PYGL: variants seen among roughly 807,000 people sequenced by gnomAD.
The protein encoded by PYGL is glycogen phosphorylase, liver form.
A neutral mutation model predicts 100.1 loss-of-function variants in PYGL; 90 were observed. The observed-to-expected ratio is 0.90, with a 90% CI of 0.76 to 1.07. The LOEUF (loss-of-function observed/expected upper bound fraction) is 1.07, where lower values mean the gene tolerates loss of function less well. Among genes scored for constraint, PYGL ranks in the 50% least tolerant of loss-of-function variants. PYGL has a pLI of 0.00. For synonymous variants in PYGL, 373 were observed against 393.0 expected (o/e 0.95, Z 0.60); for missense variants, 1,016 against 1,057.6 (o/e 0.96, Z 0.55).
intron 17 of PYGL, among the ~76,000 whole-genome samples, chr14:50,909,492 T>C (rs971489811): frequency 6.6e-6 from 1 of 152,236 alleles, no homozygotes; most frequent in Admixed American, 6.5e-5. Flanking sequence ...TGTACACCCG[T>C]ATCTATTCTC....
chr14:50,915,182 T>TC, intron 11 of PYGL, 154 bp downstream of exon 11: 1 of 987,436 alleles, frequency 1.0e-6, no homozygotes, highest in South Asian at 1.5e-5. Flanking sequence ...TCTTTTCTTT[T>TC]TTTTTTTTAG....
At chr14:50,912,800 A>C (rs1441855025) in intron 13 of PYGL, among the ~76,000 whole-genome samples, 1 of 152,068 alleles carries the variant, frequency 6.6e-6, no homozygotes, top group Non-Finnish European at 1.5e-5. Flanking sequence ...CTAAAAATAC[A>C]AAAATTAGCC....
rs11541446 is a variant in PYGL, at chr14:50,915,944, C to T, written c.1120G>A (p.Ala374Thr). Residue 374 changes from alanine to threonine, a missense_variant, in exon 10 of 20, where the codon GCC (alanine) becomes ACC (threonine). By Grantham distance (58) the Ala-to-Thr change is moderately conservative. Transcript: ENST00000216392. ...KAWELTQKTF[A>T]YTNHTVLPEA... ...GGGAGCACTGTGTGGTTGGTGTAGG[C>T]GAAGGTCTTCTGGGTGAGCTCCCAT... 48 of 1,613,966 alleles carry T rather than the reference C, an allele frequency of 3.0e-5. No homozygotes were observed. The highest frequency in any genetic ancestry group is 6.6e-5 in the South Asian group (6 of 91,078).
chr14:50,912,676 G>A (rs1352179053), intron 13 of PYGL, among the ~76,000 whole-genome samples: 7 of 152,160 alleles, frequency 4.6e-5, no homozygotes, highest in East Asian at 3.9e-4. Context: ...AGGATAGGCC[G>A]GGTGTGGTGG....
chr14:50,917,032 C>T lies in PYGL; in HGVS notation c.929G>A (p.Arg310His), dbSNP rs769231923. 17 of 1,613,818 alleles carry T rather than the reference C, an allele frequency of 1.1e-5. No homozygotes were observed. The highest frequency in any genetic ancestry group is 4.5e-5 in the East Asian group (2 of 44,896). The change falls in exon 8 of 20, where the codon CGC (arginine) becomes CAC (histidine). Residue 310 changes from arginine to histidine, a missense_variant. Transcript: ENST00000216392. ...VVAATLQDII[R>H]RFKASKFGST... ...GCCAAACTTGGAGGCTTTGAAACGGCGGATGATATCTTGCAAGGTTGCAGC... is the reference window on the plus strand; with the variant it reads ...GCCAAACTTGGAGGCTTTGAAACGGTGGATGATATCTTGCAAGGTTGCAGC...
chr14:50,915,155 ATTCTT>A, intron 11 of PYGL, 176 bp downstream of exon 11: 4 of 828,742 alleles, frequency 4.8e-6, no homozygotes, highest in Non-Finnish European at 7.4e-6. Flanking sequence ...AGAGGAAAGC[ATTCTT>A]TTCTTTCCTT....
At chr14:50,908,202 T>G (rs2050352930) in intron 19 of PYGL, 69 bp downstream of exon 19, 1 of 1,330,536 alleles carries the variant, frequency 7.5e-7, no homozygotes, top group Admixed American at 1.7e-5. Flanking sequence ...TTGCATTTAA[T>G]TAAAAAACCC....
At chr14:50,931,603 T>C (rs2050601166) in intron 4 of PYGL, 70 bp downstream of exon 4, 4 of 1,389,914 alleles carry the variant, frequency 2.9e-6, no homozygotes. Context: ...GTCCATATAT[T>C]ATAAATCATC....
intron 4 of PYGL, among the ~76,000 whole-genome samples, chr14:50,926,002 A>G (rs2050544543): frequency 6.6e-6 from 1 of 152,166 alleles, no homozygotes; most frequent in Non-Finnish European, 1.5e-5. Context: ...AACCCCACAA[A>G]GAGCAGCCAA....
chr14:50,932,280 T>C (rs1047616001), intron 3 of PYGL, among the ~76,000 whole-genome samples: 2 of 152,206 alleles, frequency 1.3e-5, no homozygotes, highest in African/African-American at 2.4e-5. Flanking sequence ...CTAATGGAAT[T>C]CCACTGTTGT....
chr14:50,941,987 A>G lies in PYGL; in HGVS notation c.243+2174T>C, dbSNP rs79707792. Among the ~76,000 whole-genome samples, 95 of 152,320 alleles carry G rather than the reference A, an allele frequency of 6.2e-4. 2 individuals carry two copies. The East Asian group carries it at 0.016, about 26-fold the overall frequency. ...GGAAGATATCTAGATATGTTCACTA[A>G]ACACTCAGAAATGTACGCATAGAGT... is the stretch of plus-strand genomic sequence containing the variant. On this transcript the variant is annotated intron_variant, in intron 1 of 19. Coordinates refer to ENST00000216392, the MANE Select transcript of PYGL (RefSeq NM_002863.5).
intron 16 of PYGL, among the ~76,000 whole-genome samples, chr14:50,910,827 C>G (rs1465465008): frequency 2.6e-5 from 4 of 152,128 alleles, no homozygotes; most frequent in African/African-American, 9.7e-5. Flanking sequence ...TGAGGTGTGC[C>G]TGGGGCTAGA....
chr14:50,905,578 A>G (rs1241314983), intron 19 of PYGL, 22 bp from the exon 20 acceptor site: 3 of 1,613,234 alleles, frequency 1.9e-6, no homozygotes, highest in Non-Finnish European at 2.5e-6. Flanking sequence ...ATATGCATAT[A>G]CAGCCCAGAG....
intron 4 of PYGL, 117 bp downstream of exon 4, chr14:50,931,556 C>A: frequency 1.0e-6 from 1 of 970,864 alleles, no homozygotes. Flanking sequence ...TGATACCAAC[C>A]AAATGCCAGA....
chr14:50,923,214 C>T (rs2050516691), intron 5 of PYGL: 1 of 152,238 alleles, frequency 6.6e-6, no homozygotes, highest in Non-Finnish European at 1.5e-5. Flanking sequence ...GTTAGCTCAG[C>T]AGTGGGACCC....
chr14:50,941,270 A>C lies in PYGL; in HGVS notation c.243+2891T>G, dbSNP rs75694823. On this transcript the variant is annotated intron_variant, in intron 1 of 19. Coordinates refer to ENST00000216392, the MANE Select transcript of PYGL (RefSeq NM_002863.5). ...AACAAAGAAGAGTACTGGGCTAAGA[A>C]ATGGAGTGTGCAAGTCCTGACCACA... Among the ~76,000 whole-genome samples the C allele has an allele frequency of 5.4e-3, 826 of 152,326 alleles. 6 individuals are homozygous for C. Among genetic ancestry groups the C allele is most frequent in the Non-Finnish European group, 8.5e-3 (581 of 68,016 alleles).
chr14:50,914,049 A>G (rs1031685798), intron 12 of PYGL, among the ~76,000 whole-genome samples: 1 of 152,148 alleles, frequency 6.6e-6, no homozygotes, highest in Non-Finnish European at 1.5e-5. Context: ...TACTTATAAG[A>G]GTGACCAGGA....
At chr14:50,915,164 T>G in intron 11 of PYGL, 172 bp downstream of exon 11, 1 of 894,430 alleles carries the variant, frequency 1.1e-6, no homozygotes, top group Non-Finnish European at 1.7e-6. Flanking sequence ...CATTCTTTTC[T>G]TTCCTTTTCT....
intron 4 of PYGL, among the ~76,000 whole-genome samples, chr14:50,930,121 TA>T (rs1003604005): frequency 1.6e-4 from 24 of 152,308 alleles, no homozygotes; most frequent in Middle Eastern, 6.8e-3. Flanking sequence ...TAAAATTAAT[TA>T]AAAATATAAT....
Sources: gnomAD v4.1 joint callset for allele counts (sites outside exome capture counted in the v4.1 genomes callset) on GRCh38, gnomAD v4.1.1 for gene constraint, MANE v1.5 for transcripts, NCBI Gene and HGNC (gene_info 2026-07-23, HGNC 2026-07-21) for gene names.